Variants in STAC observed in about 807,000 individuals in gnomAD.
The protein encoded by STAC is SH3 and cysteine rich domain, also known as SH3 and cysteine-rich domain-containing protein.
Under a neutral mutation model 48.8 loss-of-function variants are expected in STAC, and 43 were observed. The observed-to-expected ratio is 0.88, with a 90% CI of 0.69 to 1.14. STAC has a LOEUF of 1.14. STAC is among the 50% of genes most tolerant of loss of function. The pLI, the probability that STAC is intolerant of heterozygous loss-of-function variation, is 0.00. For missense variants in STAC, 497 were observed against 504.0 expected, an observed-to-expected ratio of 0.99 and a Z score of 0.13; for synonymous variants, 193 against 179.5, an observed-to-expected ratio of 1.07 and a Z score of -0.60.
intron 1 of STAC, among the ~76,000 whole-genome samples, chr3:36,412,579 T>A (rs535789537): frequency 1.3e-5 from 2 of 152,190 alleles, no homozygotes; most frequent in African/African-American, 4.8e-5. Flanking sequence ...AAGATATTCT[T>A]CTACATTGTC....
At chr3:36,478,018 G>A (rs530202026) in intron 2 of STAC, among the ~76,000 whole-genome samples, 69 of 152,268 alleles carry the variant, frequency 4.5e-4, no homozygotes, top group African/African-American at 1.4e-3. Context: ...CCAGATTCGC[G>A]TCTGAAAGGC....
chr3:36,452,334 G>A (rs1696707064), intron 2 of STAC, among the ~76,000 whole-genome samples: 1 of 152,076 alleles, frequency 6.6e-6, no homozygotes, highest in South Asian at 2.1e-4. Context: ...GTTTAATATA[G>A]TATAACCTTT....
At chr3:36,497,980 C>A (rs935189307) in intron 6 of STAC, among the ~76,000 whole-genome samples, 1 of 152,082 alleles carries the variant, frequency 6.6e-6, no homozygotes, top group Non-Finnish European at 1.5e-5. Flanking sequence ...ACCTCAAAAA[C>A]TTCTCAGAAA....
At chr3:36,412,084 TTCTTACATAGCAAG>T (rs1296023359) in intron 1 of STAC, among the ~76,000 whole-genome samples, 2 of 152,208 alleles carry the variant, frequency 1.3e-5, no homozygotes, top group African/African-American at 4.8e-5. Flanking sequence ...GGGTCTGTTT[TTCTTACATAGCAAG>T]AAGTCTGGAG....
intron 6 of STAC, among the ~76,000 whole-genome samples, chr3:36,502,723 T>C (rs1360559284): frequency 6.6e-6 from 1 of 152,196 alleles, no homozygotes; most frequent in Non-Finnish European, 1.5e-5. Context: ...TACAGCAGGA[T>C]TTCAGACAGT....
chr3:36,542,948 C>T (rs2125505701), intron 10 of STAC, among the ~76,000 whole-genome samples: 1 of 152,296 alleles, frequency 6.6e-6, no homozygotes, highest in South Asian at 2.1e-4. Flanking sequence ...ATAAGGAAAG[C>T]AGGAAATTGA....
intron 1 of STAC, among the ~76,000 whole-genome samples, chr3:36,398,695 AAAGAAAG>A (rs1699939456): frequency 6.8e-6 from 1 of 146,992 alleles, no homozygotes; most frequent in Non-Finnish European, 1.5e-5. Context: ...GAAAGAAAAG[AAAGAAAG>A]AAAGAAAGAG....
At chr3:36,477,268 T>G (rs1697518217) in intron 2 of STAC, among the ~76,000 whole-genome samples, 1 of 152,220 alleles carries the variant, frequency 6.6e-6, no homozygotes, top group African/African-American at 2.4e-5. Flanking sequence ...TGATTACATT[T>G]CTTTTCTTAT....
rs1454062950 is a variant in STAC at position 36,380,585 on chromosome 3, C to CGCAG, written c.-57_-54dup. ...AGCCTGGCGCGCGGCGGGCAGGGCG[C>CGCAG]GCAGGACAGAAGCCTCGCTGTTCCT... On this transcript the variant is annotated 5_prime_UTR_variant, in exon 1 of 11. Transcript: ENST00000273183. The CGCAG allele has an allele frequency of 1.4e-6, 2 of 1,381,034 alleles. No homozygotes were observed. The highest frequency in any genetic ancestry group is 5.0e-5 in the East Asian group (2 of 39,972). 85.5% of individuals were successfully genotyped at this position (1,381,034 alleles called of 1,614,324 possible).
intron 1 of STAC, among the ~76,000 whole-genome samples, chr3:36,423,549 G>A (rs1216703003): frequency 6.6e-6 from 1 of 151,654 alleles, no homozygotes; most frequent in Non-Finnish European, 1.5e-5. Flanking sequence ...TTTTAAAAGA[G>A]GCAATCTATA....
chr3:36,390,455 T>G (rs1016783324), intron 1 of STAC, among the ~76,000 whole-genome samples: 32 of 135,922 alleles, frequency 2.4e-4, no homozygotes, highest in Non-Finnish European at 4.1e-4. Flanking sequence ...TCTTTTCTTT[T>G]TTTTTTTTTT....
chr3:36,416,015 G>A (rs989291091), intron 1 of STAC, among the ~76,000 whole-genome samples: 1 of 151,858 alleles, frequency 6.6e-6, no homozygotes, highest in African/African-American at 2.4e-5. Context: ...AATCTAGTTG[G>A]GCTATTACTC....
chr3:36,436,202 G>A (rs1004796935), intron 1 of STAC, among the ~76,000 whole-genome samples: 4 of 152,104 alleles, frequency 2.6e-5, no homozygotes, highest in African/African-American at 4.8e-5. Context: ...AAATTCAGCC[G>A]TATCTTACCA....
At chr3:36,428,567 G>C (rs1220794536) in intron 1 of STAC, among the ~76,000 whole-genome samples, 1 of 152,090 alleles carries the variant, frequency 6.6e-6, no homozygotes, top group Non-Finnish European at 1.5e-5. Context: ...AGAGGAAATG[G>C]GGATAGAGCA....
rs1200536092 is a variant in STAC at position 36,528,817 on chromosome 3, T to C, written c.973-31T>C. The C allele has an allele frequency of 3.1e-6, 5 of 1,610,026 alleles. No individual in the cohort carries two copies. The African/African-American group carries it at 4.0e-5, about 13-fold the overall frequency. Reference sequence around the variant, plus strand: ...GTAACTATTATAATACATGCTACAATTGTGGATGCATGCCTCCTTTTTCCT... The same window carrying C: ...GTAACTATTATAATACATGCTACAACTGTGGATGCATGCCTCCTTTTTCCT... On this transcript the variant is annotated intron_variant, in intron 9 of 10. Coordinates refer to ENST00000273183, the MANE Select transcript of STAC (RefSeq NM_003149.3).
intron 6 of STAC, among the ~76,000 whole-genome samples, chr3:36,494,379 T>G (rs1041442378): frequency 6.6e-6 from 1 of 152,196 alleles, no homozygotes; most frequent in African/African-American, 2.4e-5. Flanking sequence ...TTGAGCTGAA[T>G]GCATTCTCAT....
intron 1 of STAC, among the ~76,000 whole-genome samples, chr3:36,390,451 C>CTTTTATTTTTTTTTTTTTTTTTTTTTTT (rs1699727215): frequency 1.2e-5 from 1 of 80,824 alleles, no homozygotes; most frequent in Non-Finnish European, 2.4e-5. Flanking sequence ...TTTTTCTTTT[C>CTTTTATTTTTTTTTTTTTTTTTTTTTTT]TTTTTTTTTT....
intron 2 of STAC, among the ~76,000 whole-genome samples, chr3:36,454,474 A>G (rs1696793544): frequency 6.6e-6 from 1 of 152,086 alleles, no homozygotes; most frequent in Admixed American, 6.5e-5. Context: ...ACCATTAAGA[A>G]CTGTAACACT....
chr3:36,504,278 A>G, intron 6 of STAC, 115 bp from the exon 7 acceptor site: 3 of 955,324 alleles, frequency 3.1e-6, no homozygotes, highest in Non-Finnish European at 4.8e-6. Context: ...GGAAAAGGCA[A>G]TAAGTAGTAA....
Sources: allele counts gnomAD v4.1 joint callset (sites outside exome capture counted in the v4.1 genomes callset), GRCh38; gene constraint gnomAD v4.1.1; transcripts MANE v1.5; gene names NCBI Gene and HGNC (gene_info 2026-07-23, HGNC 2026-07-21).